Variants in TTF1 observed in about 807,000 individuals in gnomAD.
TTF1 encodes the protein transcription termination factor, RNA polymerase I.
In TTF1, 64 loss-of-function variants were observed where a neutral mutation model predicts 80.2. The ratio of observed to expected loss-of-function variants is 0.80; its 90% CI spans 0.65 to 0.98. The LOEUF is 0.98. Among genes scored for constraint, TTF1 ranks in the 50% least tolerant of loss-of-function variants. The probability of loss-of-function intolerance (pLI) is 0.00; values close to 1 mark genes in which losing one functional copy is unlikely to be tolerated. For synonymous variants in TTF1, 372 were observed against 382.7 expected, an observed-to-expected ratio of 0.97 and a Z score of 0.33; for missense variants, 1,023 against 1,086.2, an observed-to-expected ratio of 0.94 and a Z score of 0.82.
intron 10 of TTF1, among the ~76,000 whole-genome samples, chr9:132,377,790 T>G (rs1849247648): frequency 9.6e-6 from 1 of 103,868 alleles, no homozygotes; most frequent in Non-Finnish European, 1.9e-5. Context: ...TGAGTGCATG[T>G]GGTGTGTGTG....
In TTF1 at chr9:132,375,827, T is replaced by C; in HGVS notation, c.*88A>G. 2 of 752,004 alleles carry C rather than the reference T, an allele frequency of 2.7e-6. No individual in the cohort carries two copies. The highest frequency in any genetic ancestry group is 1.8e-5 in the South Asian group (1 of 55,714). The allele number at this position is 752,004 out of a possible 1,614,324, so 46.6% of individuals were successfully genotyped here. A position where few individuals can be genotyped will look rare whatever the true frequency, so the allele number is the denominator to read the frequency against. ...CCTCCCAAGTAGTTGAAATTACAGG[T>C]GTGCACTACCACACCCGGCTAATTT... On this transcript the variant is annotated 3_prime_UTR_variant, in exon 11 of 11. Coordinates refer to ENST00000334270, the MANE Select transcript of TTF1 (RefSeq NM_007344.4).
At chr9:132,385,612 T>A (rs1017139913) in intron 9 of TTF1, among the ~76,000 whole-genome samples, 10 of 152,356 alleles carry the variant, frequency 6.6e-5, no homozygotes, top group African/African-American at 2.2e-4. Context: ...CATCCCCGCA[T>A]GGCTACCCTG....
Position 132,382,773 on chromosome 9 carries a change from A to G in TTF1, c.2379-3629T>C, listed in dbSNP as rs879306444. Among the ~76,000 whole-genome samples, 696 of 149,906 alleles carry G rather than the reference A, an allele frequency of 4.6e-3. 9 individuals carry two copies. Among genetic ancestry groups the G allele is most frequent in the African/African-American group, 0.016 (642 of 40,860 alleles). ...TCTACTAAAAATACAAAAAAAAAAA[A>G]AAAAAAAAAAAGTCAGGTGTGGTGG... is the stretch of plus-strand genomic sequence containing the variant. On this transcript the variant is annotated intron_variant, in intron 9 of 10. Transcript: ENST00000334270.
intron 7 of TTF1, among the ~76,000 whole-genome samples, chr9:132,390,049 C>T (rs1264059160): frequency 1.3e-5 from 2 of 152,148 alleles, no homozygotes; most frequent in Non-Finnish European, 2.9e-5. Context: ...GATCTCAGCT[C>T]ACTGCAACCT....
intron 4 of TTF1, among the ~76,000 whole-genome samples, chr9:132,397,074 A>G (rs903617284): frequency 3.3e-5 from 5 of 152,074 alleles, no homozygotes; most frequent in African/African-American, 1.2e-4. Flanking sequence ...CACAATCACC[A>G]GTTTCCTTGG....
intron 10 of TTF1, 57 bp downstream of exon 10, chr9:132,379,002 C>G: frequency 7.3e-7 from 1 of 1,368,742 alleles, no homozygotes; most frequent in Non-Finnish European, 1.0e-6. Context: ...ACTTTCATTA[C>G]CAGCATGTGG....
chr9:132,383,014 G>A (rs541810955), intron 9 of TTF1, among the ~76,000 whole-genome samples: 27 of 151,740 alleles, frequency 1.8e-4, no homozygotes, highest in Non-Finnish European at 2.9e-4. Context: ...GCAGGGAACC[G>A]AGATCACGCT....
At chr9:132,397,031 G>A (rs999213749) in intron 4 of TTF1, among the ~76,000 whole-genome samples, 4 of 151,952 alleles carry the variant, frequency 2.6e-5, no homozygotes, top group Admixed American at 2.0e-4. Context: ...CACCGCGCCC[G>A]GCCTAAGAAA....
rs200499319 is a variant in TTF1 at position 132,402,430 on chromosome 9, C to T, written c.392G>A (p.Ser131Asn). The T allele has an allele frequency of 5.7e-5, 92 of 1,614,068 alleles. No individual in the cohort carries two copies. Among genetic ancestry groups the T allele is most frequent in the Non-Finnish European group, 7.2e-5 (85 of 1,180,052 alleles). The change falls in exon 2 of 11, where the codon AGC (serine) becomes AAC (asparagine). Residue 131 changes from serine (S) to asparagine (N), a missense_variant. By Grantham distance (46) the Ser-to-Asn change is conservative. Transcript: ENST00000334270. ...KDVDVVCVDM[S>N]IEQKLPRKPK... ...CTTTCTTGGTAACTTCTGTTCTATGCTCATATCAACACAAACAACATCAAC... is the reference window on the plus strand; with the variant it reads ...CTTTCTTGGTAACTTCTGTTCTATGTTCATATCAACACAAACAACATCAAC...
intron 9 of TTF1, among the ~76,000 whole-genome samples, chr9:132,379,525 G>A (rs1849331046): frequency 6.6e-6 from 1 of 152,102 alleles, no homozygotes; most frequent in African/African-American, 2.4e-5. Flanking sequence ...TAATCCTCAC[G>A]ACAACTCAAG....
Position 132,402,660 on chromosome 9 carries a change from C to A in TTF1, c.162G>T (p.Lys54Asn). The change falls in exon 2 of 11, where the codon AAG becomes AAT. Residue 54 changes from lysine to asparagine, a missense_variant. Lys to Asn is a moderately conservative substitution (Grantham distance 94, BLOSUM62 0). Coordinates refer to ENST00000334270, the MANE Select transcript of TTF1 (RefSeq NM_007344.4). ...TGAGATGCTGGAAATCTTTTTTCCT[C>A]TTTTTCCTCCTAGTTATTTGAGACT... ...NEQSQITRRK[K>N]RKKDFQHLIS... 1.2e-6 allele frequency: 2 copies of A among 1,612,766 alleles called. No homozygotes were observed. Among genetic ancestry groups the A allele is most frequent in the Non-Finnish European group, 1.7e-6 (2 of 1,179,706 alleles).
chr9:132,398,051 G>A, intron 4 of TTF1, 90 bp downstream of exon 4: 2 of 1,096,866 alleles, frequency 1.8e-6, no homozygotes, highest in Non-Finnish European at 2.5e-6. Context: ...CAGGCAATGG[G>A]CCAGGTACCG....
chr9:132,396,585 G>A, intron 4 of TTF1, 74 bp from the exon 5 acceptor site: 1 of 1,259,278 alleles, frequency 7.9e-7, no homozygotes. Flanking sequence ...ACCCAGAACA[G>A]CCCTTATAAC....
chr9:132,406,372 CG>C (rs1849867248), intron 1 of TTF1, among the ~76,000 whole-genome samples: 1 of 152,138 alleles, frequency 6.6e-6, no homozygotes, highest in Admixed American at 6.5e-5. Context: ...GAGGCCGAGG[CG>C]GGTGGATCAC....
At chr9:132,376,253 A>T in intron 10 of TTF1, 85 bp from the exon 11 acceptor site, 1 of 1,383,662 alleles carries the variant, frequency 7.2e-7, no homozygotes, top group Non-Finnish European at 9.7e-7. Flanking sequence ...GCTGGTAATG[A>T]ATATGAACTG....
intron 10 of TTF1, among the ~76,000 whole-genome samples, chr9:132,376,883 T>G (rs533121346): frequency 2.6e-4 from 39 of 151,946 alleles, no homozygotes; most frequent in South Asian, 8.3e-4. Context: ...TGTGTGTGTG[T>G]GGGAGGGTCT....
chr9:132,378,380 TG>T (rs1849287145), intron 10 of TTF1, among the ~76,000 whole-genome samples: 1 of 10,470 alleles, frequency 9.6e-5, no homozygotes, highest in Non-Finnish European at 6.7e-4. Context: ...GCATGTGGTG[TG>T]TGTGAGTGCA....
intron 5 of TTF1, 76 bp from the exon 6 acceptor site, chr9:132,392,282 A>G: frequency 3.9e-6 from 6 of 1,556,880 alleles, no homozygotes; most frequent in Non-Finnish European, 5.2e-6. Context: ...CCCAGTACGC[A>G]GCAATCGTGG....
At chr9:132,393,150 A>G (rs1356200159) in intron 5 of TTF1, among the ~76,000 whole-genome samples, 1 of 152,244 alleles carries the variant, frequency 6.6e-6, no homozygotes, top group Admixed American at 6.5e-5. Flanking sequence ...TGACAGACAA[A>G]AGATGGCTTT....
Sources: gnomAD v4.1 joint callset for allele counts (sites outside exome capture counted in the v4.1 genomes callset) on GRCh38, gnomAD v4.1.1 for gene constraint, MANE v1.5 for transcripts, NCBI Gene and HGNC (gene_info 2026-07-23, HGNC 2026-07-21) for gene names.